AUTS2: variants seen among roughly 807,000 people sequenced by gnomAD.
AUTS2 encodes the protein autism susceptibility gene 2 protein.
Under a neutral mutation model 112.4 loss-of-function variants are expected in AUTS2, and 17 were observed. That is an observed-to-expected ratio of 0.15 (90% CI 0.10 to 0.23). AUTS2 has a LOEUF of 0.23. AUTS2 is among the 10% of genes least tolerant of loss of function. The pLI, the probability that AUTS2 is intolerant of heterozygous loss-of-function variation, is 1.00. For missense variants in AUTS2, 1,510 were observed against 1,701.6 expected (o/e 0.89, Z 1.98); for synonymous variants, 751 against 702.7 (o/e 1.07, Z -1.09).
chr7:70,080,673 A>G (rs1562670982), intron 2 of AUTS2, among the ~76,000 whole-genome samples: 2 of 152,186 alleles, frequency 1.3e-5, no homozygotes, highest in Non-Finnish European at 2.9e-5. Context: ...ACTGTTTACA[A>G]TCCAAATGAG....
At chr7:69,944,629 G>A (rs965721155) in intron 2 of AUTS2, among the ~76,000 whole-genome samples, 2 of 152,168 alleles carry the variant, frequency 1.3e-5, no homozygotes, top group African/African-American at 4.8e-5. Flanking sequence ...CTTTGTTCAT[G>A]CTTCATCTAC....
Position 69,837,071 on chromosome 7 carries a change from G to A in AUTS2, c.310-62215G>A, listed in dbSNP as rs148269800. Among the ~76,000 whole-genome samples the A allele has an allele frequency of 2.2e-3, 331 of 152,236 alleles. 1 individual carries two copies. Among genetic ancestry groups the A allele is most frequent in the African/African-American group, 7.0e-3 (292 of 41,546 alleles). On this transcript the variant is annotated intron_variant, in intron 1 of 18. Transcript: ENST00000342771. Reference sequence around the variant, plus strand: ...TAGTTAAGGAAGGCTTCATGAAATAGCGACAAATCAGGGTTAGCTCCTGGC... The same window carrying A: ...TAGTTAAGGAAGGCTTCATGAAATAACGACAAATCAGGGTTAGCTCCTGGC...
At chr7:69,803,571 T>C (rs911985531) in intron 1 of AUTS2, among the ~76,000 whole-genome samples, 1 of 150,914 alleles carries the variant, frequency 6.6e-6, no homozygotes, top group Non-Finnish European at 1.5e-5. Flanking sequence ...ACAGAAAATA[T>C]AACCTGAAGA....
chr7:69,746,964 A>G (rs1787523184), intron 1 of AUTS2, among the ~76,000 whole-genome samples: 1 of 152,186 alleles, frequency 6.6e-6, no homozygotes, highest in Non-Finnish European at 1.5e-5. Flanking sequence ...GTAGAGTTGG[A>G]TACAAGAGCC....
intron 2 of AUTS2, among the ~76,000 whole-genome samples, chr7:69,986,653 G>A (rs1584531758): frequency 6.6e-6 from 1 of 152,184 alleles, no homozygotes; most frequent in South Asian, 2.1e-4. Flanking sequence ...AGTTTTCTGA[G>A]AGTAGAAGGG....
intron 4 of AUTS2, among the ~76,000 whole-genome samples, chr7:70,315,733 C>G (rs1789964163): frequency 6.6e-6 from 1 of 152,144 alleles, no homozygotes; most frequent in African/African-American, 2.4e-5. Flanking sequence ...TCTCTCTTAC[C>G]CTCATATCCG....
At chr7:70,345,920 G>A (rs1791474792) in intron 4 of AUTS2, among the ~76,000 whole-genome samples, 1 of 152,114 alleles carries the variant, frequency 6.6e-6, no homozygotes, top group Non-Finnish European at 1.5e-5. Context: ...AGATAGTTGA[G>A]GTCCCAGTGT....
chr7:69,840,307 C>T (rs984771253), intron 1 of AUTS2, among the ~76,000 whole-genome samples: 2 of 152,130 alleles, frequency 1.3e-5, no homozygotes, highest in Non-Finnish European at 2.9e-5. Flanking sequence ...AGCTCTGAAA[C>T]AAAATTAAGA....
intron 4 of AUTS2, among the ~76,000 whole-genome samples, chr7:70,435,548 T>C (rs1001323530): frequency 3.3e-5 from 5 of 152,192 alleles, no homozygotes; most frequent in African/African-American, 9.7e-5. Context: ...AAAATAACTT[T>C]TTTGCATCTG....
At chr7:69,941,949 A>G (rs1411150783) in intron 2 of AUTS2, among the ~76,000 whole-genome samples, 1 of 152,202 alleles carries the variant, frequency 6.6e-6, no homozygotes, top group African/African-American at 2.4e-5. Context: ...TGCTTTGCTC[A>G]GGACAGTGTG....
chr7:69,675,909 A>G lies in AUTS2; in HGVS notation c.309+75947A>G, dbSNP rs148037562. ...CTGACATCATTTCGCAGACCGGGAA[A>G]CTAAGTGTGAGGAGTACATTTTAAA... On this transcript the variant is annotated intron_variant, in intron 1 of 18. Transcript: ENST00000342771. Among the ~76,000 whole-genome samples, 3 of 152,268 alleles carry G rather than the reference A, an allele frequency of 2.0e-5. No individual in the cohort carries two copies. In the East Asian group the frequency reaches 5.8e-4, roughly 29 times the overall value.
intron 1 of AUTS2, among the ~76,000 whole-genome samples, chr7:69,723,134 G>A (rs776469157): frequency 2.0e-5 from 3 of 152,020 alleles, no homozygotes; most frequent in Non-Finnish European, 2.9e-5. Context: ...CTTTATCCCC[G>A]TTCTTACTGC....
chr7:70,606,150 A>G (rs1255845512), intron 5 of AUTS2, among the ~76,000 whole-genome samples: 1 of 152,172 alleles, frequency 6.6e-6, no homozygotes, highest in Non-Finnish European at 1.5e-5. Context: ...ACTTTCACAC[A>G]CGCTTTTTGG....
intron 4 of AUTS2, among the ~76,000 whole-genome samples, chr7:70,224,326 GTACAGTACAATACAATACAA>G (rs1204520218): frequency 3.6e-5 from 4 of 111,904 alleles, no homozygotes; most frequent in Non-Finnish European, 5.4e-5. Flanking sequence ...ATACAATACA[GTACAGTACAATACAATACAA>G]TACAATACAA....
In AUTS2 at chr7:70,790,672, G is replaced by A; in HGVS notation, c.3456G>A (p.Arg1152=). 6.2e-7 allele frequency: 1 copy of A among 1,613,592 alleles called. No homozygotes were observed. Among genetic ancestry groups the A allele is most frequent in the South Asian group, 1.1e-5 (1 of 91,074 alleles). ...EHERGGHLDE[R]ERLHMLREDY... ...AGCGGGGAGGCCACCTGGACGAGCG[G>A]GAGCGCTTGCACATGCTCAGAGAAG... Residue 1152 remains arginine, a synonymous_variant, in exon 19 of 19, where the codon CGG becomes CGA. Coordinates refer to ENST00000342771, the MANE Select transcript of AUTS2 (RefSeq NM_015570.4). The surrounding 1 kb of genome is among the most constrained non-coding windows in gnomAD (Gnocchi z 7.6).
chr7:70,252,167 A>G (rs1221512809), intron 4 of AUTS2, among the ~76,000 whole-genome samples: 1 of 152,198 alleles, frequency 6.6e-6, no homozygotes, highest in Non-Finnish European at 1.5e-5. Context: ...CTACTGGATG[A>G]TAATGTAATT....
chr7:70,370,433 T>C (rs1792789458), intron 4 of AUTS2, among the ~76,000 whole-genome samples: 1 of 152,218 alleles, frequency 6.6e-6, no homozygotes, highest in Admixed American at 6.5e-5. Flanking sequence ...TCATACAATA[T>C]ATGGTCCTTG....
chr7:69,904,147 G>T (rs1300518033), intron 2 of AUTS2, among the ~76,000 whole-genome samples: 3 of 152,142 alleles, frequency 2.0e-5, no homozygotes, highest in Non-Finnish European at 2.9e-5. Flanking sequence ...AGACTTAAGA[G>T]CCCAGGTGAC....
intron 5 of AUTS2, among the ~76,000 whole-genome samples, chr7:70,577,957 A>C (rs34785501): frequency 0.05 from 7,669 of 151,948 alleles, 244 homozygotes; most frequent in Middle Eastern, 0.11. Context: ...CAGCCTCCTG[A>C]GTAGCTGGGA....
Sources: allele counts gnomAD v4.1 joint callset (sites outside exome capture counted in the v4.1 genomes callset), GRCh38; gene constraint gnomAD v4.1.1; non-coding constraint Gnocchi (gnomAD v3.1); transcripts MANE v1.5; gene names NCBI Gene and HGNC (gene_info 2026-07-23, HGNC 2026-07-21).